SCFD2: variants seen among roughly 807,000 people sequenced by gnomAD.
The protein encoded by SCFD2 is sec1 family domain-containing protein 2.
SCFD2 carries 54 observed loss-of-function variants against 58.9 expected under a neutral mutation model. That is an observed-to-expected ratio of 0.92 (90% CI 0.74 to 1.15). SCFD2 has a LOEUF of 1.15. Ranked by LOEUF, SCFD2 falls within the 50% of genes most tolerant of loss-of-function variation. The probability of loss-of-function intolerance (pLI) is 0.00; values close to 1 mark genes in which losing one functional copy is unlikely to be tolerated. For synonymous variants in SCFD2, 321 were observed against 335.9 expected, an observed-to-expected ratio of 0.96 and a Z score of 0.49; for missense variants, 805 against 836.6, an observed-to-expected ratio of 0.96 and a Z score of 0.47.
chr4:52,907,577 T>A lies in SCFD2; in HGVS notation c.1722A>T (p.Pro574=). ...GNHTHQASYK[P]LLKQVVEEIF... is the part of the protein sequence containing the mutation. Reference sequence around the variant, plus strand: ...TTTCCTCCACAACTTGCTTCAACAATGGCTTATAAGATGCCTGGAAAGACA... The same window carrying A: ...TTTCCTCCACAACTTGCTTCAACAAAGGCTTATAAGATGCCTGGAAAGACA... Residue 574 remains proline, a synonymous_variant, in exon 7 of 9, where the codon CCA becomes CCT. Transcript: ENST00000401642. The A allele has an allele frequency of 5.6e-6, 9 of 1,614,072 alleles. No homozygotes were observed. The South Asian group carries it at 9.9e-5, about 18-fold the overall frequency.
intron 4 of SCFD2, among the ~76,000 whole-genome samples, chr4:53,231,671 T>A (rs564532759): frequency 6.6e-5 from 10 of 152,200 alleles, no homozygotes; most frequent in Non-Finnish European, 8.8e-5. Flanking sequence ...TGATGGTGTA[T>A]GCCTTGGTTG....
intron 3 of SCFD2, among the ~76,000 whole-genome samples, chr4:53,306,914 T>C (rs1271369536): frequency 6.6e-6 from 1 of 152,200 alleles, no homozygotes; most frequent in Non-Finnish European, 1.5e-5. Flanking sequence ...ATGAGTGTAT[T>C]GGAAGATGAG....
At chr4:53,127,712 A>G (rs966935087) in intron 5 of SCFD2, among the ~76,000 whole-genome samples, 4 of 152,132 alleles carry the variant, frequency 2.6e-5, no homozygotes, top group Admixed American at 2.0e-4. Flanking sequence ...GCAGTATAAT[A>G]TATTTAAGGA....
At chr4:53,138,942 C>T (rs1399488873) in intron 5 of SCFD2, among the ~76,000 whole-genome samples, 2 of 151,544 alleles carry the variant, frequency 1.3e-5, no homozygotes, top group South Asian at 2.1e-4. Flanking sequence ...ACTGTACTGC[C>T]GCCATCTCGG....
intron 5 of SCFD2, among the ~76,000 whole-genome samples, chr4:52,989,071 A>G (rs934904193): frequency 5.3e-5 from 8 of 152,216 alleles, no homozygotes; most frequent in African/African-American, 1.9e-4. Flanking sequence ...AGAACATCAG[A>G]GTTGCTCCAG....
At chr4:53,193,376 T>TA (rs1727970904) in intron 4 of SCFD2, among the ~76,000 whole-genome samples, 1 of 152,172 alleles carries the variant, frequency 6.6e-6, no homozygotes, top group South Asian at 2.1e-4. Flanking sequence ...GTCTACAGAA[T>TA]ACAAGTATAT....
chr4:53,163,556 T>C (rs563432773), intron 4 of SCFD2, among the ~76,000 whole-genome samples: 1 of 152,176 alleles, frequency 6.6e-6, no homozygotes, highest in East Asian at 1.9e-4. Flanking sequence ...GCAAACCCCA[T>C]CCCATCCATA....
intron 3 of SCFD2, among the ~76,000 whole-genome samples, chr4:53,312,245 A>G (rs1250838534): frequency 6.6e-6 from 1 of 152,138 alleles, no homozygotes; most frequent in Non-Finnish European, 1.5e-5. Context: ...CTAGTAAAAG[A>G]GCTCTCACCC....
intron 3 of SCFD2, among the ~76,000 whole-genome samples, chr4:53,311,409 A>G (rs1471928953): frequency 2.6e-5 from 4 of 152,146 alleles, no homozygotes; most frequent in Non-Finnish European, 5.9e-5. Context: ...AAACATTTAA[A>G]TGTGAATTGC....
intron 5 of SCFD2, among the ~76,000 whole-genome samples, chr4:52,936,927 TA>T (rs1720152580): frequency 6.6e-6 from 1 of 152,248 alleles, no homozygotes; most frequent in South Asian, 2.1e-4. Flanking sequence ...TTTCTTTCAA[TA>T]AATATTTATT....
At chr4:53,272,989 A>G (rs1180580212) in intron 4 of SCFD2, among the ~76,000 whole-genome samples, 1 of 152,202 alleles carries the variant, frequency 6.6e-6, no homozygotes, top group Non-Finnish European at 1.5e-5. Context: ...ATCTAATAAA[A>G]ATATAAAAAC....
chr4:53,173,483 G>GT (rs141537243), intron 4 of SCFD2, among the ~76,000 whole-genome samples: 24,309 of 152,032 alleles, frequency 0.16, 2,470 homozygotes, highest in Admixed American at 0.25. Context: ...TAAAAGTGAG[G>GT]TAAGTCTCTT....
chr4:53,238,697 CAGAGG>C (rs1367739025), intron 4 of SCFD2, among the ~76,000 whole-genome samples: 1 of 151,474 alleles, frequency 6.6e-6, no homozygotes, highest in Non-Finnish European at 1.5e-5. Context: ...TGCGGCCGGG[CAGAGG>C]TGCTCCTCAC....
chr4:53,211,761 T>C (rs1728620873), intron 4 of SCFD2, among the ~76,000 whole-genome samples: 1 of 152,148 alleles, frequency 6.6e-6, no homozygotes, highest in African/African-American at 2.4e-5. Context: ...AAGAAAAGCA[T>C]GGTTTGAGAG....
At position 53,237,078 on chromosome 4, in the gene SCFD2, A is replaced by T. The variant is rs958403632; in HGVS notation, c.1311+36748T>A. On this transcript the variant is annotated intron_variant, in intron 4 of 8. Coordinates refer to ENST00000401642, the MANE Select transcript of SCFD2 (RefSeq NM_152540.4). ...GCTGCCTTCAAGCATCTGTTTAACA[A>T]AGCACATCTTGCACCGCCCTTAATC... Among the ~76,000 whole-genome samples, 107 of 149,310 alleles carry T rather than the reference A, an allele frequency of 7.2e-4. No individual in the cohort carries two copies. The Middle Eastern group carries it at 0.014, about 19-fold the overall frequency.
intron 5 of SCFD2, among the ~76,000 whole-genome samples, chr4:53,119,095 A>G (rs1725404883): frequency 6.6e-6 from 1 of 152,150 alleles, no homozygotes; most frequent in Non-Finnish European, 1.5e-5. Flanking sequence ...AGGTGGGTAA[A>G]TCACTTCAAG....
At chr4:53,026,721 G>C (rs1722482303) in intron 5 of SCFD2, among the ~76,000 whole-genome samples, 1 of 152,096 alleles carries the variant, frequency 6.6e-6, no homozygotes, top group Non-Finnish European at 1.5e-5. Context: ...ATAACTTCTA[G>C]ACAACTAGAG....
At chr4:53,131,053 T>G (rs1363547602) in intron 5 of SCFD2, among the ~76,000 whole-genome samples, 2 of 152,160 alleles carry the variant, frequency 1.3e-5, no homozygotes, top group Non-Finnish European at 2.9e-5. Context: ...ATAACTGTAA[T>G]GATCCAAGTG....
intron 4 of SCFD2, among the ~76,000 whole-genome samples, chr4:53,267,278 T>C (rs765469604): frequency 6.6e-6 from 1 of 152,132 alleles, no homozygotes; most frequent in Non-Finnish European, 1.5e-5. Flanking sequence ...CGAAAGGTTG[T>C]CCTCATGCTC....
Sources: gnomAD v4.1 joint callset for allele counts (sites outside exome capture counted in the v4.1 genomes callset) on GRCh38, gnomAD v4.1.1 for gene constraint, MANE v1.5 for transcripts, NCBI Gene and HGNC (gene_info 2026-07-23, HGNC 2026-07-21) for gene names.